The following DOK5 variants were observed in gnomAD, a reference collection of about 807,000 sequenced individuals.
DOK5 encodes the protein downstream of tyrosine kinase 5.
DOK5 carries 27 observed loss-of-function variants against 43.3 expected under a neutral mutation model. The ratio of observed to expected loss-of-function variants is 0.62; its 90% CI spans 0.46 to 0.86. The LOEUF (loss-of-function observed/expected upper bound fraction) is 0.86, where lower values mean the gene tolerates loss of function less well. Among genes scored for constraint, DOK5 ranks in the 40% least tolerant of loss-of-function variants. The pLI, the probability that DOK5 is intolerant of heterozygous loss-of-function variation, is 0.00. For missense variants in DOK5, 373 were observed against 392.9 expected (o/e 0.95, Z 0.43); for synonymous variants, 146 against 140.1 (o/e 1.04, Z -0.30).
chr20:54,580,077 G>C (rs1412989483), intron 2 of DOK5, among the ~76,000 whole-genome samples: 1 of 152,058 alleles, frequency 6.6e-6, no homozygotes, highest in East Asian at 1.9e-4. Flanking sequence ...ATGGTTTCCA[G>C]CTTCATCCAT....
intron 6 of DOK5, among the ~76,000 whole-genome samples, chr20:54,612,804 C>T (rs567661520): frequency 2.6e-5 from 4 of 152,168 alleles, no homozygotes; most frequent in Non-Finnish European, 5.9e-5. Flanking sequence ...TGCCATCATA[C>T]AGTGTTCAAG....
intron 2 of DOK5, among the ~76,000 whole-genome samples, chr20:54,574,969 G>A (rs546786344): frequency 6.6e-6 from 1 of 152,272 alleles, no homozygotes; most frequent in South Asian, 2.1e-4. Flanking sequence ...GGATTTTCTG[G>A]CATTCTTTGC....
intron 1 of DOK5, among the ~76,000 whole-genome samples, chr20:54,532,957 C>A (rs1983830149): frequency 6.6e-6 from 1 of 152,244 alleles, no homozygotes; most frequent in South Asian, 2.1e-4. Context: ...GATCCTAAGG[C>A]ATTTGCCACT....
rs193275316 is a variant in DOK5 at position 54,594,964 on chromosome 20, T to G, written c.599+3159T>G. Among the ~76,000 whole-genome samples the G allele has an allele frequency of 3.9e-5, 6 of 152,284 alleles. No individual in the cohort carries two copies. The East Asian group carries it at 1.2e-3, about 29-fold the overall frequency. The stretch of plus-strand genomic sequence containing the variant: ...AAGTGCTGTAGGAAACCATAGATAC[T>G]TGGAGGCTGGTATGTTTGAGTCTCT... On this transcript the variant is annotated intron_variant, in intron 5 of 7. Transcript: ENST00000262593.
intron 1 of DOK5, among the ~76,000 whole-genome samples, chr20:54,485,062 T>A (rs1224521663): frequency 6.6e-6 from 1 of 152,184 alleles, no homozygotes; most frequent in African/African-American, 2.4e-5. Flanking sequence ...CTGGGCATGA[T>A]GGCTCACGCC....
chr20:54,647,093 G>A (rs1979467533), intron 7 of DOK5, among the ~76,000 whole-genome samples: 1 of 152,178 alleles, frequency 6.6e-6, no homozygotes, highest in South Asian at 2.1e-4. Context: ...GTTTTGACAC[G>A]TGCCACACAA....
At chr20:54,598,015 T>C (rs1986193318) in intron 5 of DOK5, among the ~76,000 whole-genome samples, 1 of 152,180 alleles carries the variant, frequency 6.6e-6, no homozygotes, top group Admixed American at 6.5e-5. Flanking sequence ...GGTATAAATG[T>C]TCTTAGTTTG....
rs528274595 is a variant in DOK5, at chr20:54,607,661, C to T, written c.600-2727C>T. ...CAGCACTTTGGGAGGCAGAGGTGGG[C>T]AGATCACGAGGTCAGGAGTTCGAGA... On this transcript the variant is annotated intron_variant, in intron 5 of 7. Coordinates refer to ENST00000262593, the MANE Select transcript of DOK5 (RefSeq NM_018431.5). Among the ~76,000 whole-genome samples, 21 of 151,612 alleles carry T rather than the reference C, an allele frequency of 1.4e-4. No homozygotes were observed. The East Asian group carries it at 4.1e-3, about 30-fold the overall frequency.
chr20:54,542,066 G>A (rs1292730081), intron 1 of DOK5, among the ~76,000 whole-genome samples: 2 of 150,202 alleles, frequency 1.3e-5, no homozygotes, highest in Non-Finnish European at 2.9e-5. Context: ...ATTTCCCTTC[G>A]TGGTGCATCA....
In DOK5 at chr20:54,496,765, C is replaced by CAAAAA. The variant is rs74179280; in HGVS notation, c.66+20770_66+20774dup. Among the ~76,000 whole-genome samples the CAAAAA allele has an allele frequency of 5.0e-4, 30 of 59,490 alleles. 2 individuals are homozygous for CAAAAA. Among genetic ancestry groups the CAAAAA allele is most frequent in the African/African-American group, 1.3e-3 (26 of 20,040 alleles). The allele number at this position is 59,490 out of a possible 152,430, so 39.0% of individuals were successfully genotyped here. A position where few individuals can be genotyped will look rare whatever the true frequency, so the allele number is the denominator to read the frequency against. On this transcript the variant is annotated intron_variant, in intron 1 of 7. Transcript: ENST00000262593. ...TGGGCGACAGAGCAAGACTCCGTCT[C>CAAAAA]AAAAAAAAAAAAAAAAAAAAAGAAA...
rs199994464 is a variant in DOK5, at chr20:54,554,966, G to C, written c.100G>C (p.Ala34Pro). Residue 34 changes from alanine (A) to proline (P), a missense_variant, in exon 2 of 8, where the codon GCT (alanine) becomes CCT (proline). Ala to Pro is a conservative substitution (Grantham distance 27, BLOSUM62 -1). Coordinates refer to ENST00000262593, the MANE Select transcript of DOK5 (RefSeq NM_018431.5). The part of the protein sequence containing the change: ...YQRCWLVFKK[A>P]SSKGPKRLEK... ...GCGATGCTGGTTAGTATTCAAGAAA[G>C]CTTCAAGCAAAGGTCCAAAAAGACT... The C allele has an allele frequency of 5.1e-5, 83 of 1,613,710 alleles. No individual in the cohort carries two copies. The highest frequency in any genetic ancestry group is 7.0e-5 in the Non-Finnish European group (82 of 1,179,786).
chr20:54,550,869 ATTT>A (rs370739892), intron 1 of DOK5, among the ~76,000 whole-genome samples: 1 of 149,950 alleles, frequency 6.7e-6, no homozygotes, highest in Non-Finnish European at 1.5e-5. Context: ...TCATATACAG[ATTT>A]TTTTTTTATG....
At chr20:54,587,388 A>G (rs1985838521) in intron 2 of DOK5, among the ~76,000 whole-genome samples, 1 of 152,180 alleles carries the variant, frequency 6.6e-6, no homozygotes. Context: ...CTACTGCTTG[A>G]GCTAAGCATT....
chr20:54,571,982 C>T (rs1392614446), intron 2 of DOK5, among the ~76,000 whole-genome samples: 1 of 152,136 alleles, frequency 6.6e-6, no homozygotes, highest in Non-Finnish European at 1.5e-5. Context: ...AACCCGTGCT[C>T]ATCCTTCGAG....
intron 5 of DOK5, among the ~76,000 whole-genome samples, chr20:54,602,348 G>A (rs1420562880): frequency 6.6e-6 from 1 of 152,114 alleles, no homozygotes; most frequent in Non-Finnish European, 1.5e-5. Flanking sequence ...GGAGGGAGCT[G>A]GGATTGAGAC....
chr20:54,522,099 C>T (rs1164874429), intron 1 of DOK5, among the ~76,000 whole-genome samples: 2 of 152,180 alleles, frequency 1.3e-5, no homozygotes, highest in Non-Finnish European at 2.9e-5. Context: ...CCAAGCAGTG[C>T]CTAATACACC....
intron 6 of DOK5, among the ~76,000 whole-genome samples, chr20:54,623,715 G>T (rs936793864): frequency 3.3e-5 from 5 of 151,998 alleles, no homozygotes; most frequent in African/African-American, 1.2e-4. Flanking sequence ...GACTAGCTGG[G>T]ACTACAGGCG....
At chr20:54,600,489 A>AT (rs1986271257) in intron 5 of DOK5, among the ~76,000 whole-genome samples, 1 of 152,170 alleles carries the variant, frequency 6.6e-6, no homozygotes, top group African/African-American at 2.4e-5. Flanking sequence ...ACAGCAGGGC[A>AT]TATAGATTGA....
At chr20:54,585,842 C>T (rs376245067) in intron 2 of DOK5, among the ~76,000 whole-genome samples, 38 of 152,316 alleles carry the variant, frequency 2.5e-4, no homozygotes, top group African/African-American at 7.5e-4. Flanking sequence ...AAAATGCTGG[C>T]CGGGTGCAGT....
Sources: gnomAD v4.1 joint callset for allele counts (sites outside exome capture counted in the v4.1 genomes callset) on GRCh38, gnomAD v4.1.1 for gene constraint, MANE v1.5 for transcripts, NCBI Gene and HGNC (gene_info 2026-07-23, HGNC 2026-07-21) for gene names.